Variants in GLDC observed in about 807,000 individuals in gnomAD.
The protein encoded by GLDC is glycine decarboxylase.
A neutral mutation model predicts 121.3 loss-of-function variants in GLDC; 104 were observed. The ratio of observed to expected loss-of-function variants is 0.86; its 90% confidence interval spans 0.73 to 1.01. The LOEUF is 1.01. Among genes scored for constraint, GLDC ranks in the 50% least tolerant of loss-of-function variants. The pLI, the probability that GLDC is intolerant of heterozygous loss-of-function variation, is 0.00. For synonymous variants in GLDC, 546 were observed against 480.6 expected (o/e 1.14, Z -1.78); for missense variants, 1,429 against 1,306.6 (o/e 1.09, Z -1.44).
At chr9:6,610,047 G>T in intron 4 of GLDC, 145 bp downstream of exon 4, 1 of 677,420 alleles carries the variant, frequency 1.5e-6, no homozygotes, top group Non-Finnish European at 2.5e-6. Flanking sequence ...CTAGGTTTTT[G>T]AACCTGTTGA....
intron 17 of GLDC, 84 bp from the exon 18 acceptor site, chr9:6,556,386 A>G: frequency 2.8e-6 from 3 of 1,061,196 alleles, no homozygotes; most frequent in Middle Eastern, 2.0e-4. Flanking sequence ...ATTTTAAAGG[A>G]TGAAGAAAGA....
chr9:6,562,772 G>A (rs975642520), intron 16 of GLDC, among the ~76,000 whole-genome samples: 1 of 152,166 alleles, frequency 6.6e-6, no homozygotes, highest in Non-Finnish European at 1.5e-5. Flanking sequence ...TGTTGGCCAG[G>A]CTGGTCTTGA....
At chr9:6,564,075 C>CT (rs1817808720) in intron 16 of GLDC, among the ~76,000 whole-genome samples, 1 of 152,030 alleles carries the variant, frequency 6.6e-6, no homozygotes, top group Non-Finnish European at 1.5e-5. Flanking sequence ...TGGTGAAACT[C>CT]TGTTTCTACT....
intron 2 of GLDC, among the ~76,000 whole-genome samples, chr9:6,643,588 C>A (rs1819672239): frequency 6.6e-6 from 1 of 151,656 alleles, no homozygotes; most frequent in African/African-American, 2.4e-5. Flanking sequence ...CCCCCCACCC[C>A]ATGGAAGTCA....
At chr9:6,641,116 C>T (rs563213335) in intron 2 of GLDC, among the ~76,000 whole-genome samples, 43 of 152,134 alleles carry the variant, frequency 2.8e-4, no homozygotes, top group Non-Finnish European at 4.3e-4. Flanking sequence ...CTGAATTGTC[C>T]AAGAAGAGGG....
intron 15 of GLDC, chr9:6,565,640 T>C: frequency 1.6e-6 from 1 of 641,798 alleles, no homozygotes; most frequent in East Asian, 2.7e-5. Flanking sequence ...GTTTGTGCAC[T>C]ACAGCTCAAC....
At chr9:6,576,293 A>G (rs1818063104) in intron 15 of GLDC, among the ~76,000 whole-genome samples, 1 of 152,116 alleles carries the variant, frequency 6.6e-6, no homozygotes, top group Non-Finnish European at 1.5e-5. Flanking sequence ...GTTCATAGAT[A>G]GCTGTGGTCT....
intron 2 of GLDC, among the ~76,000 whole-genome samples, chr9:6,621,768 A>G (rs949372827): frequency 3.3e-5 from 5 of 152,146 alleles, no homozygotes; most frequent in Non-Finnish European, 7.4e-5. Flanking sequence ...CGCCCACCTC[A>G]GCCTCCCAAA....
intron 22 of GLDC, among the ~76,000 whole-genome samples, chr9:6,538,068 T>A (rs1342636976): frequency 6.6e-6 from 1 of 152,098 alleles, no homozygotes; most frequent in Non-Finnish European, 1.5e-5. Flanking sequence ...ATTTAATGAG[T>A]TTTGGTAAAT....
intron 2 of GLDC, among the ~76,000 whole-genome samples, chr9:6,633,348 A>C (rs1819430432): frequency 6.6e-6 from 1 of 152,042 alleles, no homozygotes; most frequent in South Asian, 2.1e-4. Flanking sequence ...AATTTCACTA[A>C]TTCTCATGAA....
chr9:6,584,762 G>A (rs1008565099), intron 15 of GLDC, among the ~76,000 whole-genome samples: 1 of 152,148 alleles, frequency 6.6e-6, no homozygotes, highest in African/African-American at 2.4e-5. Flanking sequence ...CCCCTGCCAT[G>A]CTCAAATCAG....
chr9:6,631,234 T>C (rs1277698699), intron 2 of GLDC, among the ~76,000 whole-genome samples: 2 of 152,136 alleles, frequency 1.3e-5, no homozygotes, highest in Non-Finnish European at 2.9e-5. Flanking sequence ...CCCTCAGGGG[T>C]TACCGCTCTC....
chr9:6,601,459 G>A (rs546319478), intron 8 of GLDC, among the ~76,000 whole-genome samples: 5 of 152,026 alleles, frequency 3.3e-5, no homozygotes, highest in South Asian at 2.1e-4. Flanking sequence ...CCTTTCTTAC[G>A]CTTTGCCTGT....
At chr9:6,607,457 C>A (rs1159010537) in intron 4 of GLDC, among the ~76,000 whole-genome samples, 1 of 151,896 alleles carries the variant, frequency 6.6e-6, no homozygotes, top group Non-Finnish European at 1.5e-5. Context: ...GTGGTGCACG[C>A]CTGTAATCCC....
intron 2 of GLDC, among the ~76,000 whole-genome samples, chr9:6,637,320 A>C (rs1173928355): frequency 6.7e-6 from 1 of 148,648 alleles, no homozygotes; most frequent in Admixed American, 6.7e-5. Context: ...CAGGAGAATC[A>C]TTTGAACCCC....
intron 8 of GLDC, 69 bp downstream of exon 8, chr9:6,602,040 T>C (rs903187409): frequency 6.4e-6 from 6 of 941,634 alleles, no homozygotes; most frequent in South Asian, 1.3e-5. Flanking sequence ...AACAAATGAA[T>C]GAATGAATGA....
Position 6,606,666 on chromosome 9 carries a change from G to A in GLDC, c.639C>T (p.His213=). 1 of 1,592,552 alleles carries A rather than the reference G, an allele frequency of 6.3e-7. No homozygotes were observed. Among genetic ancestry groups the A allele is most frequent in the Non-Finnish European group, 8.6e-7 (1 of 1,160,872 alleles). ...CAACGAGAAATTTCCTCCTCTTGTT[G>A]TGTCTGTTGAAAAGAAAAAGCACAT... ...AAEALQLCYR[H]NKRRKFLVDP... The change falls in exon 5 of 25, where the codon CAC becomes CAT. Residue 213 remains histidine, a synonymous_variant. Transcript: ENST00000321612.
intron 15 of GLDC, among the ~76,000 whole-genome samples, chr9:6,577,909 G>A (rs542094751): frequency 5.5e-4 from 83 of 151,568 alleles, no homozygotes; most frequent in Admixed American, 3.3e-4. Context: ...GGAAGATTAA[G>A]TTGGTTTAAG....
At chr9:6,614,054 G>C (rs143186555) in intron 3 of GLDC, among the ~76,000 whole-genome samples, 1 of 152,056 alleles carries the variant, frequency 6.6e-6, no homozygotes, top group Non-Finnish European at 1.5e-5. Flanking sequence ...TGGGATTACA[G>C]GCGTGAGTCA....
Sources: allele counts gnomAD v4.1 joint callset (sites outside exome capture counted in the v4.1 genomes callset), GRCh38; gene constraint gnomAD v4.1.1; transcripts MANE v1.5; gene names NCBI Gene and HGNC (gene_info 2026-07-23, HGNC 2026-07-21).